The following SP2 variants were observed in gnomAD, a reference collection of about 807,000 sequenced individuals.
SP2 encodes the protein transcription factor Sp2.
A neutral mutation model predicts 50.1 loss-of-function variants in SP2; 9 were observed. The ratio of observed to expected loss-of-function variants is 0.18; its 90% CI spans 0.11 to 0.31. SP2 has a LOEUF of 0.31. Among genes scored for constraint, SP2 ranks in the 10% least tolerant of loss-of-function variants. The pLI, the probability that SP2 is intolerant of heterozygous loss-of-function variation, is 1.00. For missense variants in SP2, 581 were observed against 806.5 expected (o/e 0.72, Z 3.39); for synonymous variants, 313 against 326.6 (o/e 0.96, Z 0.45).
At chr17:47,917,738 A>G (rs1179106262) in intron 3 of SP2, 2 of 432,342 alleles carry the variant, frequency 4.6e-6, no homozygotes, top group Non-Finnish European at 4.6e-6. Flanking sequence ...CCTCAGCCTG[A>G]GTAGCCAGGA....
chr17:47,901,224 T>C (rs1874116350), intron 1 of SP2, among the ~76,000 whole-genome samples: 1 of 149,362 alleles, frequency 6.7e-6, no homozygotes, highest in South Asian at 2.1e-4. Flanking sequence ...CTTGGCTCAC[T>C]GCAACCTCTG....
At chr17:47,913,049 T>C (rs1479327952) in intron 1 of SP2, among the ~76,000 whole-genome samples, 1 of 151,824 alleles carries the variant, frequency 6.6e-6, no homozygotes, top group Non-Finnish European at 1.5e-5. Context: ...TTAGTAGAGA[T>C]GGGGTTTCAC....
chr17:47,898,332 A>T (rs1027411608), intron 1 of SP2: 1 of 152,220 alleles, frequency 6.6e-6, no homozygotes, highest in Non-Finnish European at 1.5e-5. Context: ...TCATTTGGAT[A>T]TTTTGGCCTT....
At chr17:47,924,208 A>G (rs1567703073) in intron 4 of SP2, among the ~76,000 whole-genome samples, 1 of 151,962 alleles carries the variant, frequency 6.6e-6, no homozygotes, top group Non-Finnish European at 1.5e-5. Flanking sequence ...CACGATCATG[A>G]CAATGCAGCC....
intron 1 of SP2, among the ~76,000 whole-genome samples, chr17:47,896,497 G>A (rs1296354675): frequency 6.6e-6 from 1 of 152,054 alleles, no homozygotes; most frequent in Non-Finnish European, 1.5e-5. Context: ...GGAGGCACCC[G>A]GAAGGGGGCG....
intron 1 of SP2, among the ~76,000 whole-genome samples, chr17:47,906,478 G>A (rs923412590): frequency 6.6e-6 from 1 of 152,230 alleles, no homozygotes; most frequent in African/African-American, 2.4e-5. Flanking sequence ...TAGTTAATGA[G>A]TGGTGAGTGT....
At chr17:47,906,089 T>G (rs2034749237) in intron 1 of SP2, among the ~76,000 whole-genome samples, 1 of 152,088 alleles carries the variant, frequency 6.6e-6, no homozygotes. Flanking sequence ...GATTTGCACT[T>G]TAAAAAGAGC....
At chr17:47,909,725 AT>A (rs2034905878) in intron 1 of SP2, 1 of 973,242 alleles carries the variant, frequency 1.0e-6, no homozygotes, top group Non-Finnish European at 1.2e-6. Flanking sequence ...TCAGAATCTC[AT>A]TTAGGTATGG....
At position 47,923,181 on chromosome 17, in the gene SP2, G is replaced by A. The variant is rs1206094956; in HGVS notation, c.1279G>A (p.Ala427Thr). The change falls in exon 4 of 7, where the codon GCC becomes ACC. Residue 427 changes from alanine (A) to threonine (T), a missense_variant. Physicochemically the swap from Ala to Thr is moderately conservative, Grantham distance 58. Coordinates refer to ENST00000376741, the MANE Select transcript of SP2 (RefSeq NM_003110.6). ...PAGSIISLNA[A>T]QLAAAAQAMQ... The stretch of plus-strand genomic sequence containing the variant: ...CGGGAGCATCATCAGCCTGAATGCA[G>A]CCCAGTTGGCGGCAGCTGCCCAGGC... 1.2e-6 allele frequency: 2 copies of A among 1,614,108 alleles called. No individual in the cohort carries two copies. Among genetic ancestry groups the A allele is most frequent in the Non-Finnish European group, 1.7e-6 (2 of 1,180,046 alleles).
Position 47,917,259 on chromosome 17 carries a change from G to GT in SP2, c.1059+130dup, listed in dbSNP as rs1429176120. The GT allele has an allele frequency of 5.5e-5, 49 of 897,122 alleles. No individual in the cohort carries two copies. In the African/African-American group the frequency reaches 6.9e-4, roughly 13 times the overall value. 55.6% of individuals were successfully genotyped at this position (897,122 alleles called of 1,614,324 possible). Reference sequence around the variant, plus strand: ...GAGTCAGTATCTTTTGGGGTGGGCAGTAAGTGGCCGTTTCTACCTGACAAA... The same window carrying GT: ...GAGTCAGTATCTTTTGGGGTGGGCAGTTAAGTGGCCGTTTCTACCTGACAAA... On this transcript the variant is annotated intron_variant, in intron 3 of 6. Coordinates refer to ENST00000376741, the MANE Select transcript of SP2 (RefSeq NM_003110.6).
intron 3 of SP2, 46 bp from the exon 4 acceptor site, chr17:47,922,916 C>A (rs768986864): frequency 1.9e-6 from 3 of 1,547,470 alleles, no homozygotes; most frequent in Admixed American, 3.5e-5. Context: ...GCCCCAGGAA[C>A]CTAGTCTCTT....
At chr17:47,905,253 C>G (rs1213561790) in intron 1 of SP2, among the ~76,000 whole-genome samples, 1 of 152,210 alleles carries the variant, frequency 6.6e-6, no homozygotes, top group African/African-American at 2.4e-5. Context: ...TTTTCCCTCA[C>G]CAGCTCTGAA....
intron 1 of SP2, among the ~76,000 whole-genome samples, chr17:47,896,857 T>C (rs1246246420): frequency 6.6e-6 from 1 of 152,198 alleles, no homozygotes; most frequent in Admixed American, 6.5e-5. Context: ...GTTACTGATA[T>C]ATCCCCAGTC....
At position 47,925,113 on chromosome 17, in the gene SP2, C is replaced by CA. The variant is rs369610788; in HGVS notation, c.1547+22dup. 2 of 1,547,564 alleles carry CA rather than the reference C, an allele frequency of 1.3e-6. No individual in the cohort carries two copies. The highest frequency in any genetic ancestry group is 1.9e-5 in the Admixed American group (1 of 52,410). ...GAAGAGGTAATTCAAGGAGAAGGCC[C>CA]AAGCCACAAGGCTGGCCTGTGTTCC... On this transcript the variant is annotated intron_variant, in intron 5 of 6. Coordinates refer to ENST00000376741, the MANE Select transcript of SP2 (RefSeq NM_003110.6).
At chr17:47,926,456 G>A (rs544617154) in intron 6 of SP2, among the ~76,000 whole-genome samples, 8 of 151,870 alleles carry the variant, frequency 5.3e-5, no homozygotes, top group Non-Finnish European at 1.0e-4. Context: ...GGGACTACAG[G>A]CATGCACCAC....
At position 47,916,353 on chromosome 17, in the gene SP2, T is replaced by G. The variant is rs2035201260; in HGVS notation, c.282T>G (p.Leu94=). The G allele has an allele frequency of 1.9e-6, 3 of 1,614,022 alleles. No individual in the cohort carries two copies. The South Asian group carries it at 3.3e-5, about 18-fold the overall frequency. Residue 94 remains leucine, a synonymous_variant, in exon 3 of 7, where the codon CTT becomes CTG. Coordinates refer to ENST00000376741, the MANE Select transcript of SP2 (RefSeq NM_003110.6). The surrounding 1 kb of genome is among the most constrained non-coding windows in gnomAD (Gnocchi z 4.7). ...TCTTGTCCTCCAAAGGAAATATACT[T>G]CAGATTCAGGGGTCACAACTGAGCG... The part of the protein sequence containing the change: ...FGILSSKGNI[L]QIQGSQLSAS...
chr17:47,927,834 C>T lies in SP2; in HGVS notation c.*10C>T, dbSNP rs368742340. ...CACGAAGAACTTGTAAGGCCAACTG[C>T]GGCGGGAGGCCCTGAAGATGCAGTC... is the stretch of plus-strand genomic sequence containing the variant. On this transcript the variant is annotated 3_prime_UTR_variant, in exon 7 of 7. Transcript: ENST00000376741. The T allele has an allele frequency of 3.4e-5, 52 of 1,517,032 alleles. No individual in the cohort carries two copies. Among genetic ancestry groups the T allele is most frequent in the Non-Finnish European group, 4.2e-5 (47 of 1,107,620 alleles). The allele number at this position is 1,517,032 out of a possible 1,614,324, so 94.0% of individuals were successfully genotyped here. A position where few individuals can be genotyped will look rare whatever the true frequency, so the allele number is the denominator to read the frequency against.
chr17:47,905,457 G>A (rs1389247885), intron 1 of SP2, among the ~76,000 whole-genome samples: 5 of 152,214 alleles, frequency 3.3e-5, no homozygotes, highest in Non-Finnish European at 5.9e-5. Flanking sequence ...AAAAAAAGCC[G>A]AGTTACCCCC....
chr17:47,898,412 C>T (rs971030871), intron 1 of SP2: 2 of 152,170 alleles, frequency 1.3e-5, no homozygotes, highest in Non-Finnish European at 2.9e-5. Context: ...TGCTATAGGT[C>T]TGTGGCAGAT....
Sources: allele counts gnomAD v4.1 joint callset (sites outside exome capture counted in the v4.1 genomes callset), GRCh38; gene constraint gnomAD v4.1.1; non-coding constraint Gnocchi (gnomAD v3.1); transcripts MANE v1.5; gene names NCBI Gene and HGNC (gene_info 2026-07-23, HGNC 2026-07-21).